The following TNIK variants were observed in gnomAD, a reference collection of about 807,000 sequenced individuals.
The protein encoded by TNIK is TRAF2 and NCK-interacting protein kinase.
Under a neutral mutation model 191.3 loss-of-function variants are expected in TNIK, and 49 were observed. The ratio of observed to expected loss-of-function variants is 0.26; its 90% CI spans 0.20 to 0.32. The LOEUF (loss-of-function observed/expected upper bound fraction) is 0.32, where lower values mean the gene tolerates loss of function less well. TNIK is among the 10% of genes least tolerant of loss of function. The pLI, the probability that TNIK is intolerant of heterozygous loss-of-function variation, is 1.00. For missense variants in TNIK, 1,155 were observed against 1,702.3 expected (o/e 0.68, Z 5.66); for synonymous variants, 594 against 600.9 (o/e 0.99, Z 0.17).
chr3:171,255,418 A>G (rs1746733831), intron 2 of TNIK, among the ~76,000 whole-genome samples: 1 of 152,204 alleles, frequency 6.6e-6, no homozygotes, highest in Non-Finnish European at 1.5e-5. Flanking sequence ...GAATCAAACT[A>G]CAAATCATTT....
chr3:171,272,719 G>C (rs1315456984), intron 2 of TNIK, among the ~76,000 whole-genome samples: 9 of 151,720 alleles, frequency 5.9e-5, no homozygotes, highest in Admixed American at 5.9e-4. Flanking sequence ...TTCTCATTCT[G>C]GTTACTTATC....
chr3:171,182,331 G>A (rs890556334), intron 7 of TNIK, among the ~76,000 whole-genome samples: 2 of 152,036 alleles, frequency 1.3e-5, no homozygotes, highest in African/African-American at 2.4e-5. Flanking sequence ...TTAGCCGTTG[G>A]ATACATTAGC....
Position 171,087,350 on chromosome 3 carries a change from C to T in TNIK, c.2878G>A (p.Gly960Arg), listed in dbSNP as rs1378887873. 1 of 1,613,780 alleles carries T rather than the reference C, an allele frequency of 6.2e-7. No individual in the cohort carries two copies. The highest frequency in any genetic ancestry group is 2.2e-5 in the East Asian group (1 of 44,902). ...VSTHSQEMDS[G>R]TEYGMGSSTK... ...TGTTGCCCAGCACCTACTTCAGTCC[C>T]AGAGTCCATCTCCTGGGAATGGGTT... The change falls in exon 24 of 33, where the codon GGG becomes AGG. Residue 960 changes from glycine (G) to arginine (R), a missense_variant. By Grantham distance (125) the Gly-to-Arg change is moderately radical (BLOSUM62 -2). This residue lies in a region of TNIK where 735 missense variants were observed against 848.0 expected (regional missense o/e 0.87). Coordinates refer to ENST00000436636, the MANE Select transcript of TNIK (RefSeq NM_015028.4).
At chr3:171,257,888 A>G (rs1448368511) in intron 2 of TNIK, among the ~76,000 whole-genome samples, 9 of 152,150 alleles carry the variant, frequency 5.9e-5, no homozygotes, top group Non-Finnish European at 7.4e-5. Context: ...ATCCCTCAAT[A>G]TCAAACTGCT....
intron 1 of TNIK, among the ~76,000 whole-genome samples, chr3:171,401,028 T>C (rs1409209704): frequency 1.3e-5 from 2 of 152,042 alleles, no homozygotes; most frequent in Admixed American, 6.6e-5. Context: ...ACATATCTAG[T>C]TGGAAGCTAG....
intron 3 of TNIK, among the ~76,000 whole-genome samples, chr3:171,215,176 GGATT>G (rs1233913049): frequency 1.3e-5 from 2 of 152,034 alleles, no homozygotes; most frequent in East Asian, 3.9e-4. Context: ...TGAGAAACCG[GGATT>G]GACCTTCTAG....
intron 12 of TNIK, among the ~76,000 whole-genome samples, chr3:171,156,172 A>G (rs1001291443): frequency 6.6e-6 from 1 of 152,252 alleles, no homozygotes; most frequent in Non-Finnish European, 1.5e-5. Flanking sequence ...TAAGCAAAGC[A>G]TCCTGCCTGG....
At chr3:171,286,164 A>C (rs1375498833) in intron 2 of TNIK, among the ~76,000 whole-genome samples, 1 of 152,210 alleles carries the variant, frequency 6.6e-6, no homozygotes, top group Non-Finnish European at 1.5e-5. Flanking sequence ...AAGATGGTGG[A>C]AGAGACAAAA....
At chr3:171,130,313 C>T (rs1209388859) in intron 15 of TNIK, among the ~76,000 whole-genome samples, 1 of 152,152 alleles carries the variant, frequency 6.6e-6, no homozygotes, top group Non-Finnish European at 1.5e-5. Context: ...TGAAAAACAG[C>T]CCTCCTGCCT....
intron 1 of TNIK, among the ~76,000 whole-genome samples, chr3:171,377,105 G>A (rs912101345): frequency 5.3e-5 from 8 of 152,324 alleles, no homozygotes; most frequent in African/African-American, 1.7e-4. Flanking sequence ...CCTGAGTGTA[G>A]GCTGATTCCA....
At chr3:171,245,533 A>G (rs1490955891) in intron 2 of TNIK, among the ~76,000 whole-genome samples, 1 of 152,034 alleles carries the variant, frequency 6.6e-6, no homozygotes, top group Non-Finnish European at 1.5e-5. Flanking sequence ...TTACCCAGGA[A>G]GGTTGGGACA....
In TNIK at chr3:171,182,575, G is replaced by A. The variant is rs73882631; in HGVS notation, c.640-5195C>T. ...CCTGTGGCATGATTAATACCCTAGCGCTATGTGCATTACAAACAGAAGAGA... is the reference window on the plus strand; with the variant it reads ...CCTGTGGCATGATTAATACCCTAGCACTATGTGCATTACAAACAGAAGAGA... On this transcript the variant is annotated intron_variant, in intron 7 of 32. Coordinates refer to ENST00000436636, the MANE Select transcript of TNIK (RefSeq NM_015028.4). 2.2e-3 allele frequency among the ~76,000 whole-genome samples: 328 copies of A among 152,218 alleles called. 2 individuals carry two copies. Among genetic ancestry groups the A allele is most frequent in the African/African-American group, 7.7e-3 (319 of 41,538 alleles).
At chr3:171,300,452 CATT>C (rs1235330524) in intron 2 of TNIK, among the ~76,000 whole-genome samples, 7 of 152,064 alleles carry the variant, frequency 4.6e-5, no homozygotes, top group African/African-American at 1.7e-4. Flanking sequence ...ATGCATCTGA[CATT>C]ATTTCTGGAA....
intron 1 of TNIK, among the ~76,000 whole-genome samples, chr3:171,392,790 A>AAAAG (rs1459346811): frequency 3.4e-4 from 51 of 151,488 alleles, no homozygotes; most frequent in Non-Finnish European, 6.3e-4. Flanking sequence ...AAAAAAAAAA[A>AAAAG]AAAAAGAAAA....
chr3:171,439,666 C>T (rs1316096939), intron 1 of TNIK: 1 of 152,186 alleles, frequency 6.6e-6, no homozygotes, highest in Non-Finnish European at 1.5e-5. Flanking sequence ...AAATTACACT[C>T]CAGATCAGTG....
At chr3:171,438,609 C>G (rs1234741126) in intron 1 of TNIK, among the ~76,000 whole-genome samples, 1 of 152,196 alleles carries the variant, frequency 6.6e-6, no homozygotes, top group East Asian at 1.9e-4. Flanking sequence ...ACAAATCATT[C>G]TGAAGCAAAA....
At chr3:171,415,371 A>G (rs533656541) in intron 1 of TNIK, among the ~76,000 whole-genome samples, 1 of 152,256 alleles carries the variant, frequency 6.6e-6, no homozygotes, top group African/African-American at 2.4e-5. Flanking sequence ...AGGGCTTTGT[A>G]TTGCTCACCA....
intron 2 of TNIK, among the ~76,000 whole-genome samples, chr3:171,352,905 A>T (rs576512162): frequency 5.3e-5 from 8 of 152,312 alleles, no homozygotes; most frequent in African/African-American, 1.2e-4. Flanking sequence ...CATCAAAGTT[A>T]TTTGATTGAC....
chr3:171,288,170 G>A (rs1751236852), intron 2 of TNIK, among the ~76,000 whole-genome samples: 1 of 116,012 alleles, frequency 8.6e-6, no homozygotes, highest in South Asian at 3.7e-4. Context: ...GACTGTGGTG[G>A]GGAGGGGGGA....
Sources: gnomAD v4.1 joint callset for allele counts (sites outside exome capture counted in the v4.1 genomes callset) on GRCh38, gnomAD v4.1.1 for gene constraint, gnomAD v4.1.1 regional missense constraint, MANE v1.5 for transcripts, NCBI Gene and HGNC (gene_info 2026-07-23, HGNC 2026-07-21) for gene names.